WDR4: variants seen among roughly 807,000 people sequenced by gnomAD.
WDR4 encodes the protein tRNA (guanine-N(7)-)-methyltransferase non-catalytic subunit WDR4.
Under a neutral mutation model 48.6 loss-of-function variants are expected in WDR4, and 47 were observed. The observed-to-expected ratio is 0.97, with a 90% confidence interval of 0.77 to 1.23. The LOEUF (loss-of-function observed/expected upper bound fraction) is 1.23. Ranked by LOEUF, WDR4 falls within the 50% of genes most tolerant of loss-of-function variation. The pLI is 0.00. For synonymous variants in WDR4, 268 were observed against 230.0 expected (o/e 1.17, Z -1.49); for missense variants, 606 against 551.6 (o/e 1.10, Z -0.99).
At chr21:42,851,055 G>A (rs1419885855) in intron 10 of WDR4, among the ~76,000 whole-genome samples, 1 of 152,196 alleles carries the variant, frequency 6.6e-6, no homozygotes, top group Non-Finnish European at 1.5e-5. Context: ...TCCCAACGCA[G>A]GCCCCCAAGT....
chr21:42,892,093 A>C, the WDR4 span, among the ~76,000 whole-genome samples: 8 of 151,018 alleles, frequency 5.3e-5, no homozygotes, highest in Non-Finnish European at 1.0e-4. Flanking sequence ...CTCTACTAAA[A>C]ATTACAAAAA....
chr21:42,889,058 T>C, the WDR4 span, among the ~76,000 whole-genome samples: 1 of 147,080 alleles, frequency 6.8e-6, no homozygotes, highest in African/African-American at 2.5e-5. Flanking sequence ...GTTCAATCTA[T>C]ATATATATAG....
At chr21:42,857,019 C>G (rs1284915146) in intron 6 of WDR4, among the ~76,000 whole-genome samples, 1 of 152,186 alleles carries the variant, frequency 6.6e-6, no homozygotes, top group Non-Finnish European at 1.5e-5. Flanking sequence ...GCACCAGCCA[C>G]AGAGAAGCCC....
At chr21:42,846,325 TCA>T (rs747666112), downstream of WDR4, among the ~76,000 whole-genome samples, 2 of 152,176 alleles carry the variant, frequency 1.3e-5, no homozygotes, top group Non-Finnish European at 2.9e-5. Context: ...TGGATGAGCC[TCA>T]CAGAGAGTGG....
At chr21:42,863,888 C>T (rs1233192467) in intron 3 of WDR4, among the ~76,000 whole-genome samples, 24 of 139,752 alleles carry the variant, frequency 1.7e-4, no homozygotes, top group Non-Finnish European at 3.5e-4. Context: ...GGGTGGATCA[C>T]AAGGTCAGGA....
upstream of WDR4, among the ~76,000 whole-genome samples, chr21:42,880,453 G>T (rs2058598656): frequency 6.6e-6 from 1 of 152,034 alleles, no homozygotes; most frequent in Non-Finnish European, 1.5e-5. Flanking sequence ...TTTCTCTCCC[G>T]TGCACGCAAT....
the WDR4 span, among the ~76,000 whole-genome samples, chr21:42,890,169 T>C: frequency 6.6e-6 from 1 of 152,132 alleles, no homozygotes; most frequent in African/African-American, 2.4e-5. Context: ...TATTTTCCTC[T>C]TTGGCCCAAA....
At chr21:42,875,255 T>C (rs2058464674) in intron 2 of WDR4, among the ~76,000 whole-genome samples, 1 of 151,776 alleles carries the variant, frequency 6.6e-6, no homozygotes, top group East Asian at 1.9e-4. Context: ...TACAAAAAAC[T>C]ACAAAAATTA....
intron 3 of WDR4, among the ~76,000 whole-genome samples, chr21:42,872,376 G>T (rs1256400471): frequency 1.3e-5 from 2 of 152,064 alleles, no homozygotes; most frequent in African/African-American, 4.8e-5. Flanking sequence ...TTGGGAGGCT[G>T]AGGCGGGTGG....
downstream of WDR4, among the ~76,000 whole-genome samples, chr21:42,848,880 G>A (rs1235236352): frequency 8.4e-5 from 6 of 71,514 alleles, 1 homozygote; most frequent in Non-Finnish European, 1.2e-4. Flanking sequence ...CACACACAGC[G>A]CACGATCACG....
chr21:42,862,562 G>A lies in WDR4; in HGVS notation c.454-168C>T, dbSNP rs1274605852. On this transcript the variant is annotated intron_variant, in intron 4 of 10. Transcript: ENST00000398208. The surrounding 1 kb of genome is among the most constrained non-coding windows in gnomAD (Gnocchi z 4.3). ...CTCCTCCCGTCCCTACGTCTAATTG[G>A]TGGCCCTCATTCTCCCTCCCCAGAG... Among the ~76,000 whole-genome samples the A allele has an allele frequency of 6.6e-6, 1 of 152,132 alleles. No homozygotes were observed. The highest frequency in any genetic ancestry group is 1.5e-5 in the Non-Finnish European group (1 of 68,010).
chr21:42,845,949 A>AG (rs1228078312), downstream of WDR4, among the ~76,000 whole-genome samples: 4 of 152,106 alleles, frequency 2.6e-5, no homozygotes, highest in Non-Finnish European at 5.9e-5. Context: ...CCTGGGCAGC[A>AG]GAGCAAGACA....
At chr21:42,882,237 G>C (rs1173486186), upstream of WDR4, among the ~76,000 whole-genome samples, 6 of 150,532 alleles carry the variant, frequency 4.0e-5, no homozygotes, top group Non-Finnish European at 8.9e-5. Flanking sequence ...CATTAGCCTA[G>C]AGTGAGTGTG....
chr21:42,863,138 G>C (rs540182550), intron 4 of WDR4, among the ~76,000 whole-genome samples: 47 of 152,278 alleles, frequency 3.1e-4, no homozygotes, highest in African/African-American at 1.0e-3. Flanking sequence ...TCTCCCTGCT[G>C]TCTGCTCCAC....
At chr21:42,865,932 G>A (rs560918827) in intron 3 of WDR4, among the ~76,000 whole-genome samples, 6 of 152,024 alleles carry the variant, frequency 3.9e-5, no homozygotes, top group Non-Finnish European at 7.4e-5. Flanking sequence ...AGAGCCGCCT[G>A]GGCAGCCCCA....
intron 1 of WDR4, among the ~76,000 whole-genome samples, chr21:42,878,492 C>A (rs967317028): frequency 6.6e-6 from 1 of 152,188 alleles, no homozygotes; most frequent in Non-Finnish European, 1.5e-5. Context: ...TTTCTGAGTA[C>A]AATTTTTGTG....
At chr21:42,861,229 G>A (rs951651917) in intron 5 of WDR4, among the ~76,000 whole-genome samples, 2 of 151,232 alleles carry the variant, frequency 1.3e-5, no homozygotes, top group Non-Finnish European at 2.9e-5. Flanking sequence ...CAGGAGAATC[G>A]CTTGAACCTG....
rs1428997295 is a variant in WDR4, at chr21:42,853,659, C to A, written c.885G>T (p.Val295=). ...QLAFQHQVWD[V]AFEETQGLWV... ...ACAGCCCCTGGGTCTCCTCGAAAGC[C>A]ACGTCCCACACTTGGTGCTGGAACG... Residue 295 remains valine (V), a synonymous_variant, in exon 9 of 11, where the codon GTG becomes GTT. Transcript: ENST00000398208. The A allele has an allele frequency of 1.3e-6, 2 of 1,597,886 alleles. No homozygotes were observed. The highest frequency in any genetic ancestry group is 2.7e-5 in the African/African-American group (2 of 74,846).
chr21:42,877,019 G>A (rs2058508050), intron 1 of WDR4, among the ~76,000 whole-genome samples: 1 of 151,666 alleles, frequency 6.6e-6, no homozygotes, highest in African/African-American at 2.4e-5. Context: ...GTTTCTCCAT[G>A]TTGATCAGGG....
Sources: allele counts gnomAD v4.1 joint callset (sites outside exome capture counted in the v4.1 genomes callset), GRCh38; gene constraint gnomAD v4.1.1; non-coding constraint Gnocchi (gnomAD v3.1); transcripts MANE v1.5; gene names NCBI Gene and HGNC (gene_info 2026-07-23, HGNC 2026-07-21).